Variants in SFRP1 observed in about 807,000 individuals in gnomAD.
SFRP1 encodes secreted frizzled-related protein 1.
SFRP1 carries 9 observed loss-of-function variants against 25.9 expected under a neutral mutation model. That is an observed-to-expected ratio of 0.35 (90% CI 0.21 to 0.61). SFRP1 has a LOEUF of 0.61. Ranked by LOEUF, SFRP1 falls within the 20% of genes least tolerant of loss-of-function variation. SFRP1 has a pLI of 0.78. For synonymous variants in SFRP1, 178 were observed against 174.0 expected (o/e 1.02, Z -0.18); for missense variants, 346 against 418.2 (o/e 0.83, Z 1.51).
intron 1 of SFRP1, among the ~76,000 whole-genome samples, 178 bp from the exon 2 acceptor site, chr8:41,303,716 G>A (rs1803958060): frequency 1.3e-5 from 2 of 152,188 alleles, no homozygotes; most frequent in Admixed American, 1.3e-4. Flanking sequence ...TACAACCAGA[G>A]CAGGCGCAGG....
chr8:41,268,580 C>T (rs999617476), intron 2 of SFRP1, among the ~76,000 whole-genome samples: 5 of 152,334 alleles, frequency 3.3e-5, no homozygotes, highest in Admixed American at 2.0e-4. Context: ...TGTCTTGCCA[C>T]TTGGCCCCTT....
At chr8:41,287,410 T>C (rs1231294254) in intron 2 of SFRP1, among the ~76,000 whole-genome samples, 3 of 152,214 alleles carry the variant, frequency 2.0e-5, no homozygotes, top group African/African-American at 7.2e-5. Flanking sequence ...AATGCTGGCA[T>C]CGGCTCGGAG....
At chr8:41,299,662 C>CAAAAAAAAAAA (rs61141419) in intron 2 of SFRP1, among the ~76,000 whole-genome samples, 3 of 66,368 alleles carry the variant, frequency 4.5e-5, no homozygotes, top group African/African-American at 2.0e-4. Flanking sequence ...GACTTAGTCT[C>CAAAAAAAAAAA]AAAAAAAAAA....
chr8:41,272,483 C>T (rs1369174089), intron 2 of SFRP1, among the ~76,000 whole-genome samples: 1 of 152,132 alleles, frequency 6.6e-6, no homozygotes, highest in Admixed American at 6.5e-5. Context: ...GTGGCATGTG[C>T]CTATAATTCC....
intron 1 of SFRP1, among the ~76,000 whole-genome samples, chr8:41,307,942 A>G (rs1804019102): frequency 6.6e-6 from 1 of 152,120 alleles, no homozygotes; most frequent in Non-Finnish European, 1.5e-5. Context: ...AGAGGGAGGG[A>G]GAAAAGACTT....
rs1409380726 is a variant in SFRP1, at chr8:41,295,828, C to A, written c.622+7633G>T. Among the ~76,000 whole-genome samples the A allele has an allele frequency of 3.3e-5, 5 of 152,068 alleles. No homozygotes were observed. The East Asian group carries it at 9.6e-4, about 29-fold the overall frequency. On this transcript the variant is annotated intron_variant, in intron 2 of 2. Coordinates refer to ENST00000220772, the MANE Select transcript of SFRP1 (RefSeq NM_003012.5). ...CCCTGCCACCATGCCCTGGCCCCAG[C>A]TCCCAGATCAGTCAATACGTCCAGC...
chr8:41,280,985 T>G (rs1273193189), intron 2 of SFRP1, among the ~76,000 whole-genome samples: 1 of 152,262 alleles, frequency 6.6e-6, no homozygotes, highest in East Asian at 1.9e-4. Flanking sequence ...GGGACCGTGC[T>G]TCTCTTCCTA....
chr8:41,303,592 G>T, intron 1 of SFRP1, 54 bp from the exon 2 acceptor site: 1 of 1,453,050 alleles, frequency 6.9e-7, no homozygotes, highest in Non-Finnish European at 9.7e-7. Context: ...CAGGAAGGGA[G>T]CAGCCCCTGG....
intron 2 of SFRP1, among the ~76,000 whole-genome samples, chr8:41,266,570 G>A (rs1803438137): frequency 6.6e-6 from 1 of 151,338 alleles, no homozygotes. Context: ...CAAGTACCTG[G>A]GATTGCAGGC....
chr8:41,306,281 A>T (rs911519912), intron 1 of SFRP1, among the ~76,000 whole-genome samples: 1 of 152,218 alleles, frequency 6.6e-6, no homozygotes, highest in African/African-American at 2.4e-5. Context: ...GTGAACAGAA[A>T]CCAGTATGCA....
chr8:41,288,415 G>A (rs552406320), intron 2 of SFRP1, among the ~76,000 whole-genome samples: 1 of 151,584 alleles, frequency 6.6e-6, no homozygotes, highest in Non-Finnish European at 1.5e-5. Context: ...CTATGCACCT[G>A]CAGTCCCTGT....
chr8:41,301,095 C>G (rs1224127240), intron 2 of SFRP1, among the ~76,000 whole-genome samples: 1 of 152,176 alleles, frequency 6.6e-6, no homozygotes, highest in African/African-American at 2.4e-5. Context: ...TCCCGGAGAC[C>G]ACAGATGCAG....
At chr8:41,266,430 T>G (rs888301549) in intron 2 of SFRP1, among the ~76,000 whole-genome samples, 6 of 152,088 alleles carry the variant, frequency 3.9e-5, no homozygotes, top group African/African-American at 1.4e-4. Flanking sequence ...CTGAGTGTTT[T>G]TGTTTTTTAT....
chr8:41,271,974 T>C (rs1210534683), intron 2 of SFRP1, among the ~76,000 whole-genome samples: 7 of 151,974 alleles, frequency 4.6e-5, no homozygotes, highest in Admixed American at 4.6e-4. Context: ...CAAAAAAAAT[T>C]GTTTTAAATG....
Position 41,265,010 on chromosome 8 carries a change from G to C in SFRP1, c.*157C>G, listed in dbSNP as rs1803416513. The C allele has an allele frequency of 3.2e-6, 2 of 616,194 alleles. No individual in the cohort carries two copies. The highest frequency in any genetic ancestry group is 3.7e-5 in the African/African-American group (2 of 54,170). The allele number at this position is 616,194 out of a possible 1,614,324, so 38.2% of individuals were successfully genotyped here. A position where few individuals can be genotyped will look rare whatever the true frequency, so the allele number is the denominator to read the frequency against. On this transcript the variant is annotated 3_prime_UTR_variant, in exon 3 of 3. Coordinates refer to ENST00000220772, the MANE Select transcript of SFRP1 (RefSeq NM_003012.5). ...GGGGTTTGGAGCGTGGCTATGGAGG[G>C]AAGGGAGCGGGAATGCTGCAAGAAC...
intron 2 of SFRP1, among the ~76,000 whole-genome samples, chr8:41,299,647 A>G (rs967018616): frequency 7.4e-6 from 1 of 134,250 alleles, no homozygotes; most frequent in African/African-American, 2.9e-5. Context: ...GCCCAGGTAG[A>G]GCGAGACTTA....
chr8:41,297,453 A>T (rs559842490), intron 2 of SFRP1, among the ~76,000 whole-genome samples: 2 of 152,296 alleles, frequency 1.3e-5, no homozygotes, highest in East Asian at 1.9e-4. Flanking sequence ...TTCCTAAAAA[A>T]CTTTCCGCCC....
At position 41,277,078 on chromosome 8, in the gene SFRP1, G is replaced by T. The variant is rs537115841; in HGVS notation, c.623-11589C>A. 3.1e-5 allele frequency: 14 copies of T among 455,316 alleles called. No individual in the cohort carries two copies. The Middle Eastern group carries it at 3.3e-3, about 106-fold the overall frequency. The allele number at this position is 455,316 out of a possible 1,614,324, so 28.2% of individuals were successfully genotyped here. A position where few individuals can be genotyped will look rare whatever the true frequency, so the allele number is the denominator to read the frequency against. ...GCAAAATGAAAACCCCACTCTGAGA[G>T]CAAAGTGCTGCCTGGTGTGATTTCA... On this transcript the variant is annotated intron_variant, in intron 2 of 2. Transcript: ENST00000220772.
intron 2 of SFRP1, among the ~76,000 whole-genome samples, chr8:41,294,193 C>T (rs1394597298): frequency 2.6e-5 from 4 of 152,146 alleles, no homozygotes; most frequent in Non-Finnish European, 5.9e-5. Context: ...GGAGGGAATG[C>T]GCTCTCTAGG....
Sources: gnomAD v4.1 joint callset for allele counts (sites outside exome capture counted in the v4.1 genomes callset) on GRCh38, gnomAD v4.1.1 for gene constraint, MANE v1.5 for transcripts, NCBI Gene and HGNC (gene_info 2026-07-23, HGNC 2026-07-21) for gene names.